The following MYH15 variants were observed in gnomAD, a reference collection of about 807,000 sequenced individuals.
The protein encoded by MYH15 is myosin heavy chain 15.
Under a neutral mutation model 240.5 loss-of-function variants are expected in MYH15, and 227 were observed. The ratio of observed to expected loss-of-function variants is 0.94; its 90% confidence interval spans 0.85 to 1.05. MYH15 has a LOEUF of 1.05. Among genes scored for constraint, MYH15 ranks in the 50% least tolerant of loss-of-function variants. The pLI is 0.00. For missense variants in MYH15, 2,217 were observed against 2,247.5 expected, an observed-to-expected ratio of 0.99 and a Z score of 0.27; for synonymous variants, 785 against 796.7, an observed-to-expected ratio of 0.99 and a Z score of 0.25.
the MYH15 span, among the ~76,000 whole-genome samples, chr3:108,544,339 C>A: frequency 6.6e-6 from 1 of 152,110 alleles, no homozygotes; most frequent in Non-Finnish European, 1.5e-5. Context: ...TTAAAAGAGG[C>A]ATAAAGAAAT....
At chr3:108,473,907 T>A (rs13082866) in intron 12 of MYH15, among the ~76,000 whole-genome samples, 12,692 of 152,222 alleles carry the variant, frequency 0.083, 588 homozygotes, top group Middle Eastern at 0.12. Context: ...TGGCATTCAG[T>A]TACCTGGGGG....
chr3:108,387,004 A>G (rs768829463), intron 38 of MYH15, among the ~76,000 whole-genome samples: 20 of 152,076 alleles, frequency 1.3e-4, no homozygotes, highest in Non-Finnish European at 2.1e-4. Flanking sequence ...TGCTGGAGAG[A>G]GAAAATAGGA....
At chr3:108,547,439 T>C in the MYH15 span, among the ~76,000 whole-genome samples, 2 of 152,112 alleles carry the variant, frequency 1.3e-5, no homozygotes, top group Admixed American at 6.6e-5. Context: ...CAAGGTAAAG[T>C]GATGATCCAA....
intron 33 of MYH15, among the ~76,000 whole-genome samples, chr3:108,400,006 C>T (rs2082492238): frequency 6.6e-6 from 1 of 152,162 alleles, no homozygotes; most frequent in Non-Finnish European, 1.5e-5. Context: ...ATTTCCCAAA[C>T]TGTTTGTAGT....
intron 37 of MYH15, among the ~76,000 whole-genome samples, chr3:108,390,222 T>C (rs138706427): frequency 6.6e-5 from 10 of 152,322 alleles, no homozygotes; most frequent in African/African-American, 2.4e-4. Flanking sequence ...CTAGACATTA[T>C]GTAATTCCAC....
chr3:108,491,415 T>C (rs1012478044), intron 9 of MYH15, among the ~76,000 whole-genome samples: 2 of 152,128 alleles, frequency 1.3e-5, no homozygotes, highest in African/African-American at 4.8e-5. Context: ...GCACTATCAT[T>C]CTCCTAATCA....
At chr3:108,476,042 G>A (rs148737599) in intron 12 of MYH15, among the ~76,000 whole-genome samples, 75 of 152,230 alleles carry the variant, frequency 4.9e-4, no homozygotes, top group African/African-American at 1.6e-3. Flanking sequence ...TGCCAAATAC[G>A]TGAAGCATGC....
intron 40 of MYH15, among the ~76,000 whole-genome samples, chr3:108,382,017 G>A (rs1221327502): frequency 2.6e-5 from 4 of 152,174 alleles, no homozygotes; most frequent in Non-Finnish European, 5.9e-5. Flanking sequence ...CCTCTCAAAA[G>A]CAATTTCTAC....
intron 9 of MYH15, among the ~76,000 whole-genome samples, chr3:108,491,592 C>T (rs1462825739): frequency 1.3e-5 from 2 of 152,198 alleles, no homozygotes; most frequent in African/African-American, 4.8e-5. Flanking sequence ...CATACTGGGA[C>T]ATTTGCAATC....
At chr3:108,414,512 T>A (rs998328628) in intron 29 of MYH15, 84 bp from the exon 30 acceptor site, 13 of 1,212,984 alleles carry the variant, frequency 1.1e-5, no homozygotes, top group East Asian at 7.6e-5. Flanking sequence ...TTTTTTTAGG[T>A]AAGATTAATA....
intron 1 of MYH15, among the ~76,000 whole-genome samples, chr3:108,525,788 T>A (rs1206984183): frequency 6.6e-6 from 1 of 152,094 alleles, no homozygotes; most frequent in Non-Finnish European, 1.5e-5. Context: ...CTATCTGCTG[T>A]TTGGACCCGA....
intron 2 of MYH15, 110 bp from the exon 3 acceptor site, chr3:108,501,965 T>TCCCCTAATGAGGCA: frequency 1.7e-6 from 2 of 1,192,358 alleles, no homozygotes; most frequent in Non-Finnish European, 2.4e-6. Context: ...TGATGCCTCA[T>TCCCCTAATGAGGCA]TAGGGGATGG....
Position 108,454,070 on chromosome 3 carries a change from A to G in MYH15, c.2335T>C (p.Leu779=). The G allele has an allele frequency of 6.2e-7, 1 of 1,613,166 alleles. No individual in the cohort carries two copies. Among genetic ancestry groups the G allele is most frequent in the South Asian group, 1.1e-5 (1 of 90,960 alleles). The change falls in exon 21 of 41, where the codon TTG becomes CTG. Residue 779 remains leucine, a synonymous_variant. Coordinates refer to ENST00000693548, the MANE Select transcript of MYH15 (RefSeq NM_014981.3). Reference sequence around the variant, plus strand: ...TTGCCCTGTGCTCTGGCTTGGAACAATGTGAAGACTTTAGATAGTCTCTCA... The same window carrying G: ...TTGCCCTGTGCTCTGGCTTGGAACAGTGTGAAGACTTTAGATAGTCTCTCA... The part of the protein sequence containing the change: ...RDERLSKVFT[L]FQARAQGKLM...
At chr3:108,549,244 A>AC in the MYH15 span, among the ~76,000 whole-genome samples, 1 of 151,534 alleles carries the variant, frequency 6.6e-6, no homozygotes, top group Non-Finnish European at 1.5e-5. Flanking sequence ...TTTTTTTTTT[A>AC]GAAAAAAAAT....
In MYH15 at chr3:108,405,437, T is replaced by C. The variant is rs1193912770; in HGVS notation, c.4637A>G (p.Asn1546Ser). The change falls in exon 33 of 41, where the codon AAT becomes AGT. Residue 1546 changes from asparagine to serine, a missense_variant. Physicochemically the swap from Asn to Ser is conservative, Grantham distance 46 (BLOSUM62 1). Coordinates refer to ENST00000693548, the MANE Select transcript of MYH15 (RefSeq NM_014981.3). ...CTGGAAATGAAGAATCTTGCTTTCA[T>C]TACGTTCCAGGGCTCCCTGGAATAC... ...LEETEGALERNESKILHFQLE... is the reference protein window; with the variant it reads ...LEETEGALERSESKILHFQLE... 12 of 1,522,834 alleles carry C rather than the reference T, an allele frequency of 7.9e-6. No homozygotes were observed. The highest frequency in any genetic ancestry group is 6.3e-6 in the Non-Finnish European group (7 of 1,119,078). The allele number at this position is 1,522,834 out of a possible 1,614,324, so 94.3% of individuals were successfully genotyped here. A position where few individuals can be genotyped will look rare whatever the true frequency, so the allele number is the denominator to read the frequency against.
At chr3:108,406,132 A>G (rs903361155) in intron 32 of MYH15, among the ~76,000 whole-genome samples, 3 of 152,204 alleles carry the variant, frequency 2.0e-5, no homozygotes, top group Non-Finnish European at 4.4e-5. Flanking sequence ...TTCAATTCTA[A>G]AAGCATAGGT....
Position 108,480,863 on chromosome 3 carries a change from C to T in MYH15, c.1114+4228G>A, listed in dbSNP as rs987933529. 3.9e-5 allele frequency among the ~76,000 whole-genome samples: 6 copies of T among 152,252 alleles called. No homozygotes were observed. The East Asian group carries it at 1.2e-3, about 29-fold the overall frequency. ...CAAGAAAGAGGCAAAGGCTAAGATG[C>T]CCCTTTGGGTTTGGGTGCCCTTCCC... is the stretch of plus-strand genomic sequence containing the variant. On this transcript the variant is annotated intron_variant, in intron 11 of 40. Coordinates refer to ENST00000693548, the MANE Select transcript of MYH15 (RefSeq NM_014981.3).
At chr3:108,406,129 C>T (rs954270346) in intron 32 of MYH15, among the ~76,000 whole-genome samples, 1 of 152,104 alleles carries the variant, frequency 6.6e-6, no homozygotes, top group African/African-American at 2.4e-5. Context: ...CAATTCAATT[C>T]TAAAAGCATA....
At position 108,394,026 on chromosome 3, in the gene MYH15, C is replaced by T. The variant is rs1052103549; in HGVS notation, c.5259+5G>A. ...CAGGATTGAGTACGTGGTCAAGGGA[C>T]CCACCTCAATGGCTGCCTTCTTGGC... On this transcript the variant is annotated splice_donor_5th_base_variant and intron_variant, in intron 36 of 40. Coordinates refer to ENST00000693548, the MANE Select transcript of MYH15 (RefSeq NM_014981.3). 6.2e-7 allele frequency: 1 copy of T among 1,613,476 alleles called. No individual in the cohort carries two copies. Among genetic ancestry groups the T allele is most frequent in the African/African-American group, 1.3e-5 (1 of 74,904 alleles).
Sources: allele counts gnomAD v4.1 joint callset (sites outside exome capture counted in the v4.1 genomes callset), GRCh38; gene constraint gnomAD v4.1.1; transcripts MANE v1.5; gene names NCBI Gene and HGNC (gene_info 2026-07-23, HGNC 2026-07-21).